The following AGBL1 variants were observed in gnomAD, a reference collection of about 807,000 sequenced individuals.
AGBL1 encodes the protein AGBL carboxypeptidase 1, also known as cytosolic carboxypeptidase 4.
A neutral mutation model predicts 118.9 loss-of-function variants in AGBL1; 130 were observed. The observed-to-expected ratio is 1.09, with a 90% CI of 0.95 to 1.26. The LOEUF (loss-of-function observed/expected upper bound fraction) is 1.26. AGBL1 is among the 50% of genes most tolerant of loss of function. The pLI is 0.00. For synonymous variants in AGBL1, 555 were observed against 478.9 expected, an observed-to-expected ratio of 1.16 and a Z score of -2.08; for missense variants, 1,584 against 1,298.1, an observed-to-expected ratio of 1.22 and a Z score of -3.38.
At chr15:87,005,966 C>G (rs994500830) in intron 24 of AGBL1, among the ~76,000 whole-genome samples, 1 of 152,182 alleles carries the variant, frequency 6.6e-6, no homozygotes, top group Non-Finnish European at 1.5e-5. Context: ...CCACTCCAGA[C>G]CCTGTTTGCC....
At chr15:86,917,614 C>T (rs138997487), downstream of AGBL1, among the ~76,000 whole-genome samples, 8 of 152,244 alleles carry the variant, frequency 5.3e-5, no homozygotes, top group Middle Eastern at 3.4e-3. The surrounding 1 kb of genome is among the most constrained non-coding windows in gnomAD (Gnocchi z 4.8). Flanking sequence ...CTTGTCATTG[C>T]GAAGCGTAGA....
intron 18 of AGBL1, among the ~76,000 whole-genome samples, chr15:86,446,313 C>G (rs867459241): frequency 6.6e-6 from 1 of 151,210 alleles, no homozygotes; most frequent in African/African-American, 2.4e-5. Context: ...CACAGTTGTT[C>G]TGTTCTTTTC....
chr15:86,668,163 C>A (rs1245729302), intron 21 of AGBL1, among the ~76,000 whole-genome samples: 1 of 152,180 alleles, frequency 6.6e-6, no homozygotes, highest in African/African-American at 2.4e-5. Flanking sequence ...CAAACACCTC[C>A]CACCAGACCC....
intron 23 of AGBL1, among the ~76,000 whole-genome samples, chr15:86,922,722 A>G (rs1044771213): frequency 6.6e-6 from 1 of 152,240 alleles, no homozygotes; most frequent in Non-Finnish European, 1.5e-5. Flanking sequence ...TAAACATAAT[A>G]CTATTTTTCA....
At chr15:86,345,031 G>A (rs975759337) in intron 17 of AGBL1, among the ~76,000 whole-genome samples, 3 of 152,078 alleles carry the variant, frequency 2.0e-5, no homozygotes, top group East Asian at 1.9e-4. Context: ...TATTAATTGA[G>A]CACCTCTTCT....
chr15:86,160,477 C>A (rs777803397), intron 5 of AGBL1, among the ~76,000 whole-genome samples: 36 of 152,286 alleles, frequency 2.4e-4, no homozygotes, highest in Non-Finnish European at 3.2e-4. Flanking sequence ...CATGGTAGTG[C>A]TGGGGTGTTG....
At chr15:86,257,184 C>T (rs1169115538) in intron 8 of AGBL1, among the ~76,000 whole-genome samples, 166 bp downstream of exon 8, 2 of 152,118 alleles carry the variant, frequency 1.3e-5, no homozygotes, top group African/African-American at 4.8e-5. Flanking sequence ...TTTTCATAAA[C>T]AGGGTGATTT....
At chr15:86,634,734 AAAAG>A (rs909269938) in intron 21 of AGBL1, among the ~76,000 whole-genome samples, 9 of 152,232 alleles carry the variant, frequency 5.9e-5, no homozygotes, top group African/African-American at 1.2e-4. Flanking sequence ...ACCATCATAA[AAAAG>A]AAAAATGTGC....
At chr15:86,140,819 C>G (rs756664052) in intron 1 of AGBL1, among the ~76,000 whole-genome samples, 1 of 152,250 alleles carries the variant, frequency 6.6e-6, no homozygotes, top group South Asian at 2.1e-4. Flanking sequence ...GAGCAGGAAA[C>G]TCCAAGGGGT....
At chr15:86,757,474 C>T (rs1466943866) in intron 22 of AGBL1, among the ~76,000 whole-genome samples, 1 of 152,002 alleles carries the variant, frequency 6.6e-6, no homozygotes, top group African/African-American at 2.4e-5. Context: ...TTTCTGTTGC[C>T]ATTTCTTTTG....
intron 21 of AGBL1, among the ~76,000 whole-genome samples, chr15:86,648,572 C>G (rs1323936736): frequency 2.0e-5 from 3 of 152,244 alleles, no homozygotes; most frequent in Admixed American, 2.0e-4. Context: ...GTTAGATAGC[C>G]AAGTAGTAAT....
intron 18 of AGBL1, among the ~76,000 whole-genome samples, chr15:86,515,791 G>A (rs923194178): frequency 6.6e-6 from 1 of 152,178 alleles, no homozygotes; most frequent in African/African-American, 2.4e-5. Flanking sequence ...GAACACAAAA[G>A]TATCTGAGAC....
At chr15:86,284,294 T>C (rs969644048) in intron 16 of AGBL1, among the ~76,000 whole-genome samples, 1 of 152,170 alleles carries the variant, frequency 6.6e-6, no homozygotes, top group Non-Finnish European at 1.5e-5. Context: ...TTACTCTTTT[T>C]TCCAAATCAT....
chr15:86,861,275 T>G (rs533878084), intron 22 of AGBL1, among the ~76,000 whole-genome samples: 1 of 152,230 alleles, frequency 6.6e-6, no homozygotes, highest in South Asian at 2.1e-4. Flanking sequence ...AAAAGTGAAC[T>G]AGATATGATA....
intron 1 of AGBL1, chr15:86,083,295 C>T (rs1427424227): frequency 1.3e-5 from 2 of 151,996 alleles, no homozygotes; most frequent in African/African-American, 4.8e-5. Context: ...GATGTGGGCT[C>T]CTTGCCAGCT....
At chr15:86,277,937 C>T (rs1220201637) in intron 15 of AGBL1, among the ~76,000 whole-genome samples, 1 of 152,210 alleles carries the variant, frequency 6.6e-6, no homozygotes, top group African/African-American at 2.4e-5. Context: ...ACTGCTGTTT[C>T]CCGTAAAGAG....
At chr15:86,815,718 G>T (rs1190219820) in intron 22 of AGBL1, among the ~76,000 whole-genome samples, 2 of 146,176 alleles carry the variant, frequency 1.4e-5, no homozygotes, top group Non-Finnish European at 3.1e-5. Context: ...GATATATTTA[G>T]AGAGAAGCAA....
chr15:86,575,778 A>G (rs1435117293), intron 21 of AGBL1, among the ~76,000 whole-genome samples: 1 of 151,908 alleles, frequency 6.6e-6, no homozygotes, highest in African/African-American at 2.4e-5. Context: ...AAAAATTTCT[A>G]TAGAGACAGG....
intron 22 of AGBL1, among the ~76,000 whole-genome samples, chr15:86,829,038 A>G (rs2079070131): frequency 6.6e-6 from 1 of 151,164 alleles, no homozygotes; most frequent in South Asian, 2.1e-4. Flanking sequence ...TGTTGACTGG[A>G]CCTAGTGAGT....
Sources: allele counts gnomAD v4.1 joint callset (sites outside exome capture counted in the v4.1 genomes callset), GRCh38; gene constraint gnomAD v4.1.1; non-coding constraint Gnocchi (gnomAD v3.1); transcripts MANE v1.5; gene names NCBI Gene and HGNC (gene_info 2026-07-23, HGNC 2026-07-21).